Variants in DNAH9 observed in about 807,000 individuals in gnomAD.
DNAH9 encodes the protein DNAH9 variant protein.
In DNAH9, 345 loss-of-function variants were observed where a neutral mutation model predicts 471.6. The ratio of observed to expected loss-of-function variants is 0.73; its 90% CI spans 0.67 to 0.80. DNAH9 has a LOEUF of 0.80. Ranked by LOEUF, DNAH9 falls within the 30% of genes least tolerant of loss-of-function variation. The pLI is 0.00. For synonymous variants in DNAH9, 2,093 were observed against 2,123.6 expected (o/e 0.99, Z 0.40); for missense variants, 5,407 against 5,609.2 (o/e 0.96, Z 1.15).
At chr17:11,678,395 T>A (rs1429103478) in intron 17 of DNAH9, among the ~76,000 whole-genome samples, 5 of 152,252 alleles carry the variant, frequency 3.3e-5, no homozygotes, top group African/African-American at 1.2e-4. Context: ...TAGAAGTTCC[T>A]TTAGTAAAGG....
chr17:11,834,339 A>AC (rs1970771397), intron 48 of DNAH9, among the ~76,000 whole-genome samples: 2 of 148,288 alleles, frequency 1.3e-5, no homozygotes, highest in South Asian at 2.1e-4. Context: ...AAAAAAAAAA[A>AC]AAAAAAAAAA....
intron 41 of DNAH9, 70 bp from the exon 42 acceptor site, chr17:11,793,433 G>A: frequency 6.9e-7 from 1 of 1,444,786 alleles, no homozygotes; most frequent in Non-Finnish European, 9.5e-7. Flanking sequence ...AATGCTCCAG[G>A]AAGTTTTCCT....
At chr17:11,633,204 T>C (rs1294324777) in intron 8 of DNAH9, among the ~76,000 whole-genome samples, 1 of 152,196 alleles carries the variant, frequency 6.6e-6, no homozygotes, top group Non-Finnish European at 1.5e-5. Context: ...CATAGGTAAA[T>C]GGCTGCACAG....
intron 67 of DNAH9, among the ~76,000 whole-genome samples, chr17:11,959,466 T>C (rs2151449590): frequency 6.6e-6 from 1 of 152,308 alleles, no homozygotes; most frequent in South Asian, 2.1e-4. Context: ...TAACTACAGA[T>C]ATGAGGAAGA....
chr17:11,625,693 T>TC (rs1315298692), intron 6 of DNAH9, among the ~76,000 whole-genome samples: 1 of 152,128 alleles, frequency 6.6e-6, no homozygotes, highest in African/African-American at 2.4e-5. Flanking sequence ...TATTGAATCC[T>TC]CCCCACATCC....
At chr17:11,822,391 A>T in intron 46 of DNAH9, 47 bp from the exon 47 acceptor site, 1 of 1,609,076 alleles carries the variant, frequency 6.2e-7, no homozygotes, top group Non-Finnish European at 8.5e-7. Flanking sequence ...CTCCGTGAGT[A>T]TTTCTCTGAT....
At chr17:11,638,053 G>A (rs2073196691) in intron 9 of DNAH9, among the ~76,000 whole-genome samples, 1 of 152,194 alleles carries the variant, frequency 6.6e-6, no homozygotes, top group African/African-American at 2.4e-5. Context: ...ATTCGGCCAT[G>A]GCATTTGAGG....
At chr17:11,808,112 A>G (rs1969760148) in intron 44 of DNAH9, among the ~76,000 whole-genome samples, 1 of 152,204 alleles carries the variant, frequency 6.6e-6, no homozygotes, top group Non-Finnish European at 1.5e-5. Flanking sequence ...GGGAGACCTC[A>G]GGCGTCCTAG....
intron 27 of DNAH9, among the ~76,000 whole-genome samples, chr17:11,726,019 A>T (rs1184768743): frequency 6.6e-6 from 1 of 152,184 alleles, no homozygotes; most frequent in Non-Finnish European, 1.5e-5. Context: ...TTTTACAACC[A>T]TGACTTTATT....
intron 14 of DNAH9, among the ~76,000 whole-genome samples, chr17:11,655,641 TACATAGACACAC>T (rs1464341561): frequency 5.7e-4 from 85 of 148,804 alleles, no homozygotes; most frequent in Middle Eastern, 3.5e-3. Context: ...ACCATGTATA[TACATAGACACAC>T]ACACACACAC....
chr17:11,606,443 C>T (rs376637070), intron 1 of DNAH9, among the ~76,000 whole-genome samples: 21 of 69,114 alleles, frequency 3.0e-4, no homozygotes, highest in South Asian at 1.5e-3. Flanking sequence ...CTTTTCTTTT[C>T]TTTTCTTTTC....
rs1485515569 is a variant in DNAH9 at position 11,793,598 on chromosome 17, G to C, written c.8157G>C (p.Met2719Ile). The change falls in exon 42 of 69, where the codon ATG (methionine) becomes ATC (isoleucine). Residue 2719 changes from methionine (M) to isoleucine (I), a missense_variant. Around this residue, in one of 3 missense-constraint regions of DNAH9, gnomAD observed 4,636 missense variants for 4,900.3 expected, o/e 0.95. Transcript: ENST00000262442. Reference sequence around the variant, plus strand: ...CAAATCGAGTTTATCGGGATAAGATGGTAGAAGAAAAGGACTTTGATCTTT... The same window carrying C: ...CAAATCGAGTTTATCGGGATAAGATCGTAGAAGAAAAGGACTTTGATCTTT... ...HESNRVYRDK[M>I]VEEKDFDLFD... The C allele has an allele frequency of 6.2e-7, 1 of 1,613,746 alleles. No homozygotes were observed. The highest frequency in any genetic ancestry group is 1.1e-5 in the South Asian group (1 of 91,030).
chr17:11,640,289 GA>G lies in DNAH9; in HGVS notation c.1808del (p.Asn603ThrfsTer15). 6.2e-7 allele frequency: 1 copy of G among 1,613,698 alleles called. No individual in the cohort carries two copies. The highest frequency in any genetic ancestry group is 1.3e-5 in the African/African-American group (1 of 75,036). ...CTCCAGGGTTCTCCCCGGTGCACAA[GA>G]ACATGCCCACCGTGGCTGGCGGCCT... ...AELGFSPVHK[N>X]MPTVAGGLRW... On this transcript the variant is annotated frameshift_variant, in exon 10 of 69. Transcript: ENST00000262442. LOFTEE classifies it high-confidence loss of function.
In DNAH9 at chr17:11,807,823, G is replaced by A; in HGVS notation, c.8512G>A (p.Ala2838Thr). ...GSGKQSLTRL[A>T]AFISSMDVFQ... ...CGGCAAGCAGAGCCTGACAAGGCTGGCAGCTTTCATCAGCTCCATGGATGT... is the reference window on the plus strand; with the variant it reads ...CGGCAAGCAGAGCCTGACAAGGCTGACAGCTTTCATCAGCTCCATGGATGT... The change falls in exon 44 of 69, where the codon GCA becomes ACA. Residue 2838 changes from alanine to threonine, a missense_variant. Ala to Thr is a moderately conservative substitution (Grantham distance 58). Coordinates refer to ENST00000262442, the MANE Select transcript of DNAH9 (RefSeq NM_001372.4). 1.2e-6 allele frequency: 2 copies of A among 1,614,096 alleles called. No individual in the cohort carries two copies. The highest frequency in any genetic ancestry group is 1.7e-6 in the Non-Finnish European group (2 of 1,179,964).
chr17:11,955,877 C>A (rs1448137153), intron 67 of DNAH9, among the ~76,000 whole-genome samples: 1 of 152,248 alleles, frequency 6.6e-6, no homozygotes, highest in African/African-American at 2.4e-5. Context: ...CTTTCTAGCA[C>A]ATCCAAAATT....
chr17:11,648,383 T>C (rs1235841122), intron 12 of DNAH9, among the ~76,000 whole-genome samples: 1 of 152,192 alleles, frequency 6.6e-6, no homozygotes, highest in African/African-American at 2.4e-5. Flanking sequence ...TCAATTTCAT[T>C]GGCATTCACT....
Position 11,652,941 on chromosome 17 carries a change from G to A in DNAH9, c.2534G>A (p.Arg845Gln), listed in dbSNP as rs61747284. The A allele has an allele frequency of 1.4e-4, 229 of 1,613,918 alleles. 2 individuals carry two copies. The African/African-American group carries it at 1.9e-3, about 14-fold the overall frequency. Residue 845 changes from arginine (R) to glutamine (Q), a missense_variant, in exon 14 of 69, where the codon CGA becomes CAA. Physicochemically the swap from Arg to Gln is conservative, Grantham distance 43. Around this residue, in one of 3 missense-constraint regions of DNAH9, gnomAD observed 4,636 missense variants for 4,900.3 expected, o/e 0.95. Transcript: ENST00000262442. Reference sequence around the variant, plus strand: ...CTTTCTCTGGATGATCGGCATGATCGAATGGAAAAATATTACAATCTCATC... The same window carrying A: ...CTTTCTCTGGATGATCGGCATGATCAAATGGAAAAATATTACAATCTCATC... Reference protein sequence around the residue: ...SLLSLDDRHDRMEKYYNLIKE... With the variant: ...SLLSLDDRHDQMEKYYNLIKE...
In DNAH9 at chr17:11,822,835, C is replaced by G. The variant is rs1342410322; in HGVS notation, c.9047C>G (p.Ala3016Gly). ...TVKQSISKFM[A>G]FVHTSVNQTS... ...AAGCAGTCGATTAGCAAATTCATGG[C>G]CTTTGTCCACACAAGTGTCAACCAA... The change falls in exon 48 of 69, where the codon GCC becomes GGC. Residue 3016 changes from alanine to glycine, a missense_variant. By Grantham distance (60) the Ala-to-Gly change is moderately conservative (BLOSUM62 0). This residue lies in a region of DNAH9 where 4,636 missense variants were observed against 4,900.3 expected (regional missense o/e 0.95). Coordinates refer to ENST00000262442, the MANE Select transcript of DNAH9 (RefSeq NM_001372.4). The G allele has an allele frequency of 6.2e-7, 1 of 1,614,196 alleles. No individual in the cohort carries two copies. The highest frequency in any genetic ancestry group is 8.5e-7 in the Non-Finnish European group (1 of 1,180,030).
chr17:11,871,606 A>T lies in DNAH9; in HGVS notation c.10062A>T (p.Gly3354=). The T allele has an allele frequency of 6.2e-7, 1 of 1,613,630 alleles. No homozygotes were observed. The highest frequency in any genetic ancestry group is 1.1e-5 in the South Asian group (1 of 91,062). The change falls in exon 52 of 69, where the codon GGA becomes GGT. Residue 3354 remains glycine, a synonymous_variant. Coordinates refer to ENST00000262442, the MANE Select transcript of DNAH9 (RefSeq NM_001372.4). ...GGCTTTTGAAATGGTAGGTTGGAGG[A>T]CTCGCTTCTGAAAACGTGAGGTGGG... The part of the protein sequence containing the change: ...TISLANRLVG[G]LASENVRWAD...
Sources: allele counts gnomAD v4.1 joint callset (sites outside exome capture counted in the v4.1 genomes callset), GRCh38; gene constraint gnomAD v4.1.1; regional missense constraint gnomAD v4.1.1; transcripts MANE v1.5; gene names NCBI Gene and HGNC (gene_info 2026-07-23, HGNC 2026-07-21).